The following RFC1 variants were observed in gnomAD, a reference collection of about 807,000 sequenced individuals.
RFC1 encodes the protein A1 140 kDa subunit.
Under a neutral mutation model 137.4 loss-of-function variants are expected in RFC1, and 37 were observed. The observed-to-expected ratio is 0.27, with a 90% CI of 0.21 to 0.35. RFC1 has a LOEUF of 0.35. RFC1 is among the 10% of genes least tolerant of loss of function. RFC1 has a pLI of 1.00. For synonymous variants in RFC1, 429 were observed against 455.7 expected, an observed-to-expected ratio of 0.94 and a Z score of 0.75; for missense variants, 1,205 against 1,358.5, an observed-to-expected ratio of 0.89 and a Z score of 1.78.
In RFC1 at chr4:39,355,460, A is replaced by G. The variant is rs368936934; in HGVS notation, c.4-3984T>C. Among the ~76,000 whole-genome samples the G allele has an allele frequency of 1.7e-4, 26 of 152,276 alleles. No individual in the cohort carries two copies. In the East Asian group the frequency reaches 4.1e-3, roughly 24 times the overall value. ...AACACACACACACACAAAACTTGTA[A>G]AAGGGTTCCTACAAATCAATAAAAG... On this transcript the variant is annotated intron_variant, in intron 1 of 24. Coordinates refer to ENST00000349703, the MANE Select transcript of RFC1 (RefSeq NM_002913.5).
intron 4 of RFC1, among the ~76,000 whole-genome samples, chr4:39,334,729 A>G (rs965658839): frequency 2.0e-5 from 3 of 152,210 alleles, no homozygotes; most frequent in African/African-American, 7.2e-5. Context: ...TGAACAATTG[A>G]ACACTTAGAT....
chr4:39,300,432 C>A lies in RFC1; in HGVS notation c.2536-18G>T. ...AATGGGCCCTGAAAAAAGAGAGGGA[C>A]ACACCTATTAGAATGGCCAAAATTC... On this transcript the variant is annotated intron_variant, in intron 19 of 24. Coordinates refer to ENST00000349703, the MANE Select transcript of RFC1 (RefSeq NM_002913.5). The A allele has an allele frequency of 6.2e-7, 1 of 1,609,218 alleles. No homozygotes were observed. The highest frequency in any genetic ancestry group is 1.7e-5 in the Admixed American group (1 of 59,764).
At chr4:39,356,040 A>T (rs559724372) in intron 1 of RFC1, 2 of 150,470 alleles carry the variant, frequency 1.3e-5, no homozygotes, top group South Asian at 2.1e-4. Flanking sequence ...CCTTTATGGA[A>T]GGCAATCTAG....
intron 1 of RFC1, chr4:39,365,315 G>GCCC (rs57378978): frequency 1.2e-4 from 27 of 218,262 alleles, no homozygotes; most frequent in Non-Finnish European, 1.9e-4. Context: ...AATTTTCACC[G>GCCC]CCCCCCCCCA....
At chr4:39,363,199 G>A (rs1020806995) in intron 1 of RFC1, among the ~76,000 whole-genome samples, 4 of 152,118 alleles carry the variant, frequency 2.6e-5, no homozygotes, top group South Asian at 2.1e-4. Flanking sequence ...TTTTATTCAC[G>A]TTTTGTGCAA....
chr4:39,306,616 G>A lies in RFC1; in HGVS notation c.1971C>T (p.Thr657=). ...CCTGACACACCAGGGAAGCTGTGGT[G>A]GTTTTGCCAACACCAGGAGGGCCTG... ...LLSGPPGVGK[T]TTASLVCQEL... is the part of the protein sequence containing the mutation. The change falls in exon 14 of 25, where the codon ACC becomes ACT. Residue 657 remains threonine, a synonymous_variant. Coordinates refer to ENST00000349703, the MANE Select transcript of RFC1 (RefSeq NM_002913.5). 3 of 1,607,790 alleles carry A rather than the reference G, an allele frequency of 1.9e-6. No individual in the cohort carries two copies. Among genetic ancestry groups the A allele is most frequent in the African/African-American group, 1.3e-5 (1 of 74,904 alleles).
intron 12 of RFC1, among the ~76,000 whole-genome samples, chr4:39,309,833 T>A (rs1738879762): frequency 6.6e-6 from 1 of 152,222 alleles, no homozygotes; most frequent in South Asian, 2.1e-4. Context: ...TATCTCAGTT[T>A]TTAAAAAAAT....
chr4:39,307,291 CT>C, intron 13 of RFC1: 1 of 154,704 alleles, frequency 6.5e-6, no homozygotes, highest in East Asian at 1.9e-4. Flanking sequence ...AGCACTCTTC[CT>C]CCCCTCACCA....
In RFC1 at chr4:39,326,676, A is replaced by T. The variant is rs41556418; in HGVS notation, c.565-36T>A. Reference sequence around the variant, plus strand: ...AAGAAAATCAAGCAAAATCAGCATAAACCTTAAGTTAAAAATAAGGCACTT... The same window carrying T: ...AAGAAAATCAAGCAAAATCAGCATATACCTTAAGTTAAAAATAAGGCACTT... On this transcript the variant is annotated intron_variant, in intron 5 of 24. Transcript: ENST00000349703. 1,438 of 1,560,060 alleles carry T rather than the reference A, an allele frequency of 9.2e-4. 2 individuals carry two copies. Among genetic ancestry groups the T allele is most frequent in the Non-Finnish European group, 1.2e-3 (1,314 of 1,135,084 alleles).
Position 39,288,862 on chromosome 4 carries a change from A to ATAGTTAGG in RFC1, c.3361-19_3361-18insCCTAACTA. 6.7e-7 allele frequency: 1 copy of ATAGTTAGG among 1,483,696 alleles called. No individual in the cohort carries two copies. Among genetic ancestry groups the ATAGTTAGG allele is most frequent in the East Asian group, 2.3e-5 (1 of 44,226 alleles). The allele number at this position is 1,483,696 out of a possible 1,614,324, so 91.9% of individuals were successfully genotyped here. On this transcript the variant is annotated intron_variant, in intron 24 of 24. Transcript: ENST00000349703. ...GTCTTTTTCTGTTAGGGGGAAGATA[A>ATAGTTAGG]CAAAATAGTTAATAGCTGTGTTTAT...
At chr4:39,351,167 C>A (rs1366515167) in intron 2 of RFC1, among the ~76,000 whole-genome samples, 181 bp downstream of exon 2, 1 of 139,220 alleles carries the variant, frequency 7.2e-6, no homozygotes, top group Non-Finnish European at 1.5e-5. Context: ...AGGAGAATGG[C>A]ATGAACCCAG....
At chr4:39,332,732 A>T (rs1306776806) in intron 4 of RFC1, among the ~76,000 whole-genome samples, 1 of 152,226 alleles carries the variant, frequency 6.6e-6, no homozygotes, top group Admixed American at 6.5e-5. Context: ...CAGCCTCTGA[A>T]GTCTGCCCTT....
At chr4:39,289,767 T>C in intron 24 of RFC1, 81 bp downstream of exon 24, 1 of 923,000 alleles carries the variant, frequency 1.1e-6, no homozygotes, top group Non-Finnish European at 1.8e-6. Context: ...TTCTGCTATG[T>C]GCTGAAAAGG....
chr4:39,342,290 A>C (rs1488492078), intron 4 of RFC1, 55 bp downstream of exon 4: 4 of 1,534,624 alleles, frequency 2.6e-6, no homozygotes, highest in Non-Finnish European at 3.5e-6. Flanking sequence ...GACACCAACA[A>C]AAAACTCAAG....
intron 9 of RFC1, among the ~76,000 whole-genome samples, chr4:39,319,428 A>C (rs780254619): frequency 4.6e-5 from 7 of 152,222 alleles, no homozygotes; most frequent in Non-Finnish European, 7.3e-5. Context: ...TAAAAGTTGA[A>C]TAATAAAAAT....
intron 1 of RFC1, among the ~76,000 whole-genome samples, chr4:39,356,805 T>C (rs1741502571): frequency 1.3e-5 from 2 of 152,214 alleles, no homozygotes; most frequent in African/African-American, 4.8e-5. Context: ...GAAATATCTC[T>C]AGATTTATAA....
At chr4:39,355,097 ATACACACACACAC>A (rs1259173992) in intron 1 of RFC1, among the ~76,000 whole-genome samples, 24 of 34,934 alleles carry the variant, frequency 6.9e-4, no homozygotes, top group African/African-American at 1.9e-3. Context: ...AAAAAAAAAA[ATACACACACACAC>A]ACACACACAC....
intron 1 of RFC1, among the ~76,000 whole-genome samples, chr4:39,363,731 T>TA (rs924719433): frequency 2.7e-5 from 4 of 150,716 alleles, no homozygotes; most frequent in African/African-American, 4.9e-5. Flanking sequence ...CTACTAAAAA[T>TA]AAAAAAATAA....
At chr4:39,320,152 C>T (rs1442123427) in intron 9 of RFC1, among the ~76,000 whole-genome samples, 1 of 152,006 alleles carries the variant, frequency 6.6e-6, no homozygotes, top group Non-Finnish European at 1.5e-5. Context: ...GAGTTCAAGA[C>T]CAGCCTGACC....
Sources: gnomAD v4.1 joint callset for allele counts (sites outside exome capture counted in the v4.1 genomes callset) on GRCh38, gnomAD v4.1.1 for gene constraint, MANE v1.5 for transcripts, NCBI Gene and HGNC (gene_info 2026-07-23, HGNC 2026-07-21) for gene names.